EHMT1: variants seen among roughly 807,000 people sequenced by gnomAD.
EHMT1 encodes the protein euchromatic histone lysine methyltransferase 1, also known as histone-lysine N-methyltransferase EHMT1.
Under a neutral mutation model 147.2 loss-of-function variants are expected in EHMT1, and 15 were observed. That is an observed-to-expected ratio of 0.10 (90% confidence interval 0.07 to 0.16). The LOEUF (loss-of-function observed/expected upper bound fraction) is 0.16, where lower values mean the gene tolerates loss of function less well. EHMT1 is among the 10% of genes least tolerant of loss of function. The pLI is 1.00. For synonymous variants in EHMT1, 795 were observed against 709.6 expected (o/e 1.12, Z -1.91); for missense variants, 1,587 against 1,772.4 (o/e 0.90, Z 1.88).
At chr9:137,738,766 CTG>C (rs1187091749) in intron 4 of EHMT1, 1 of 152,206 alleles carries the variant, frequency 6.6e-6, no homozygotes, top group African/African-American at 2.4e-5. Context: ...CTCGGGGACA[CTG>C]TGCCGAATGA....
intron 3 of EHMT1, among the ~76,000 whole-genome samples, chr9:137,726,984 C>T (rs1946692784): frequency 1.3e-5 from 2 of 152,060 alleles, no homozygotes; most frequent in Non-Finnish European, 2.9e-5. Flanking sequence ...CTGTTCAGGT[C>T]CTTTGCCCAT....
rs1945117456 is a variant in EHMT1 at position 137,715,411 on chromosome 9, TA to T, written c.86-1212del. Among the ~76,000 whole-genome samples the T allele has an allele frequency of 2.6e-5, 4 of 152,342 alleles. No homozygotes were observed. In the South Asian group the frequency reaches 8.3e-4, roughly 32 times the overall value. The stretch of plus-strand genomic sequence containing the variant: ...CGTTCATGTGCTCAGGGTACACTGG[TA>T]AACAGACAGGGCATTTGCGCTCATA... On this transcript the variant is annotated intron_variant, in intron 2 of 26. Coordinates refer to ENST00000460843, the MANE Select transcript of EHMT1 (RefSeq NM_024757.5).
intron 18 of EHMT1, among the ~76,000 whole-genome samples, chr9:137,801,250 G>A (rs1000488593): frequency 6.6e-5 from 10 of 152,182 alleles, no homozygotes; most frequent in African/African-American, 2.2e-4. Flanking sequence ...GCTGCCTCAC[G>A]GGGCTGTGCC....
At chr9:137,695,214 C>T (rs767263419) in intron 1 of EHMT1, among the ~76,000 whole-genome samples, 1 of 152,238 alleles carries the variant, frequency 6.6e-6, no homozygotes, top group Admixed American at 6.5e-5. Context: ...AGACTGCTCA[C>T]GTTCCTGGTT....
At chr9:137,817,796 T>C (rs907313578) in intron 24 of EHMT1, 6 of 622,208 alleles carry the variant, frequency 9.6e-6, no homozygotes, top group Admixed American at 5.5e-5. Context: ...TGGTCCAGCA[T>C]GGGCAGTCAT....
intron 1 of EHMT1, among the ~76,000 whole-genome samples, chr9:137,710,490 G>T (rs959121507): frequency 1.5e-4 from 23 of 152,098 alleles, no homozygotes; most frequent in African/African-American, 5.6e-4. Context: ...AATTGTAAGA[G>T]GCCTTGTATA....
intron 1 of EHMT1, chr9:137,646,573 G>A: frequency 3.2e-6 from 1 of 312,700 alleles, no homozygotes; most frequent in Non-Finnish European, 4.6e-6. Context: ...GGGCTGGGGT[G>A]GTCTGGGGTG....
intron 1 of EHMT1, among the ~76,000 whole-genome samples, chr9:137,677,093 T>G (rs948963786): frequency 6.6e-6 from 1 of 152,026 alleles, no homozygotes; most frequent in Non-Finnish European, 1.5e-5. Flanking sequence ...TCTCTCAAGG[T>G]GCTGGGATCA....
chr9:137,784,168 G>T, intron 15 of EHMT1: 1 of 1,551,308 alleles, frequency 6.4e-7, no homozygotes, highest in Non-Finnish European at 8.7e-7. Flanking sequence ...TGAGGACCTC[G>T]TGCTGTTCCC....
intron 1 of EHMT1, among the ~76,000 whole-genome samples, chr9:137,676,976 T>A (rs768518865): frequency 6.6e-6 from 1 of 152,096 alleles, no homozygotes; most frequent in Non-Finnish European, 1.5e-5. Flanking sequence ...TTCCTGGTTG[T>A]GTGACAAGAA....
At chr9:137,790,041 T>A (rs1010187336) in intron 15 of EHMT1, among the ~76,000 whole-genome samples, 12 of 152,376 alleles carry the variant, frequency 7.9e-5, no homozygotes, top group Middle Eastern at 6.8e-3. Flanking sequence ...CTCCACCCCC[T>A]TAGCCGTTAT....
chr9:137,782,438 CTCTTT>C lies in EHMT1; in HGVS notation c.2382+43_2382+47del. ...GCCCTCCTAGGGCTCTTCACCTGCTCTCTTTTATTTTTACCAAAGTAAAATCATAC... is the reference window on the plus strand; with the variant it reads ...GCCCTCCTAGGGCTCTTCACCTGCTCTATTTTTACCAAAGTAAAATCATAC... On this transcript the variant is annotated intron_variant, in intron 15 of 26. Transcript: ENST00000460843. The surrounding 1 kb of genome is among the most constrained non-coding windows in gnomAD (Gnocchi z 5.7). The C allele has an allele frequency of 6.5e-7, 1 of 1,536,102 alleles. No homozygotes were observed. Among genetic ancestry groups the C allele is most frequent in the South Asian group, 1.2e-5 (1 of 86,188 alleles).
chr9:137,691,332 AT>A (rs963338749), intron 1 of EHMT1, among the ~76,000 whole-genome samples: 11 of 145,876 alleles, frequency 7.5e-5, no homozygotes, highest in African/African-American at 1.6e-4. Context: ...TATAAAATAT[AT>A]TTTTTTTTCT....
At chr9:137,654,678 G>T (rs1938243952) in intron 1 of EHMT1, among the ~76,000 whole-genome samples, 1 of 152,232 alleles carries the variant, frequency 6.6e-6, no homozygotes, top group Non-Finnish European at 1.5e-5. Context: ...AGGTGGGCCA[G>T]ACTGGAGAGG....
chr9:137,763,062 G>T (rs1033382414), intron 10 of EHMT1: 11 of 615,092 alleles, frequency 1.8e-5, no homozygotes, highest in Admixed American at 1.1e-4. Flanking sequence ...AATGAAAATG[G>T]CCTGTTGTAT....
rs1462143849 is a variant in EHMT1, at chr9:137,817,627, C to T, written c.3461+102C>T. 2.0e-6 allele frequency: 3 copies of T among 1,467,940 alleles called. No homozygotes were observed. The African/African-American group carries it at 4.1e-5, about 20-fold the overall frequency. The allele number at this position is 1,467,940 out of a possible 1,614,324, so 90.9% of individuals were successfully genotyped here. A position where few individuals can be genotyped will look rare whatever the true frequency, so the allele number is the denominator to read the frequency against. ...AGCCCCTCTGGGAGCAGGCACATCC[C>T]TGGCGTACAGCAGCGTGGGGTGGGG... On this transcript the variant is annotated intron_variant, in intron 24 of 26. Coordinates refer to ENST00000460843, the MANE Select transcript of EHMT1 (RefSeq NM_024757.5).
intron 3 of EHMT1, among the ~76,000 whole-genome samples, chr9:137,724,349 G>A (rs1946383993): frequency 6.6e-6 from 1 of 152,210 alleles, no homozygotes. Flanking sequence ...GAGCCTCGGG[G>A]AAGGGCTGCC....
Position 137,675,448 on chromosome 9 carries a change from T to G in EHMT1, c.22-35519T>G, listed in dbSNP as rs536128137. ...GAGCATGAGTAGTTCATTTTCTCTT[T>G]TACTTTTTAAATTTTATTTATTTAT... is the stretch of plus-strand genomic sequence containing the variant. On this transcript the variant is annotated intron_variant, in intron 1 of 26. Coordinates refer to ENST00000460843, the MANE Select transcript of EHMT1 (RefSeq NM_024757.5). 1.2e-4 allele frequency among the ~76,000 whole-genome samples: 19 copies of G among 152,120 alleles called. No homozygotes were observed. The East Asian group carries it at 3.7e-3, about 29-fold the overall frequency.
intron 1 of EHMT1, among the ~76,000 whole-genome samples, chr9:137,651,626 A>G (rs1937828555): frequency 6.6e-6 from 1 of 152,110 alleles, no homozygotes; most frequent in Non-Finnish European, 1.5e-5. Flanking sequence ...TGACTCTACC[A>G]AAAATAAAAA....
Sources: allele counts gnomAD v4.1 joint callset (sites outside exome capture counted in the v4.1 genomes callset), GRCh38; gene constraint gnomAD v4.1.1; non-coding constraint Gnocchi (gnomAD v3.1); transcripts MANE v1.5; gene names NCBI Gene and HGNC (gene_info 2026-07-23, HGNC 2026-07-21).